MPP7: variants seen among roughly 807,000 people sequenced by gnomAD.
MPP7 encodes the protein MAGUK p55 scaffold protein 7.
Under a neutral mutation model 76.5 loss-of-function variants are expected in MPP7, and 60 were observed. The ratio of observed to expected loss-of-function variants is 0.78; its 90% CI spans 0.64 to 0.97. The LOEUF (loss-of-function observed/expected upper bound fraction) is 0.97, where lower values mean the gene tolerates loss of function less well. Among genes scored for constraint, MPP7 ranks in the 50% least tolerant of loss-of-function variants. MPP7 has a pLI of 0.00. For missense variants in MPP7, 641 were observed against 694.0 expected, an observed-to-expected ratio of 0.92 and a Z score of 0.86; for synonymous variants, 237 against 244.5, an observed-to-expected ratio of 0.97 and a Z score of 0.29.
At chr10:28,320,686 TG>T (rs765328298) in intron 2 of MPP7, among the ~76,000 whole-genome samples, 12 of 152,116 alleles carry the variant, frequency 7.9e-5, no homozygotes, top group Admixed American at 2.0e-4. Flanking sequence ...TTATTCAGGG[TG>T]GGCGGTCCAA....
chr10:28,224,543 T>C (rs932040337), intron 2 of MPP7, among the ~76,000 whole-genome samples: 1 of 152,226 alleles, frequency 6.6e-6, no homozygotes, highest in Non-Finnish European at 1.5e-5. Flanking sequence ...GCTAAAATTA[T>C]AACCTAATAT....
At position 28,125,395 on chromosome 10, in the gene MPP7, T is replaced by C. The variant is rs562787328; in HGVS notation, c.448-304A>G. 1.4e-4 allele frequency among the ~76,000 whole-genome samples: 21 copies of C among 152,252 alleles called. No individual in the cohort carries two copies. The South Asian group carries it at 3.7e-3, about 27-fold the overall frequency. The stretch of plus-strand genomic sequence containing the variant: ...ACCTTCTTTCCATTATAAAAATACC[T>C]TGTATTTCAATGCTGTTTGGTTTTT... On this transcript the variant is annotated intron_variant, in intron 6 of 16. Transcript: ENST00000683449.
At chr10:28,209,438 C>T (rs1203310332) in intron 2 of MPP7, among the ~76,000 whole-genome samples, 1 of 149,722 alleles carries the variant, frequency 6.7e-6, no homozygotes, top group Non-Finnish European at 1.5e-5. Flanking sequence ...CACTGCACTC[C>T]AGCCTGAGTG....
At chr10:28,307,135 C>T (rs1388425951), upstream of MPP7, among the ~76,000 whole-genome samples, 7 of 152,178 alleles carry the variant, frequency 4.6e-5, no homozygotes, top group Admixed American at 4.6e-4. Flanking sequence ...CATTGCACCC[C>T]TGACATTTTC....
At chr10:28,329,242 A>T (rs1834448541) in intron 2 of MPP7, among the ~76,000 whole-genome samples, 1 of 152,126 alleles carries the variant, frequency 6.6e-6, no homozygotes. Flanking sequence ...CAAGGATTTT[A>T]TGTTTCTGGT....
At chr10:28,272,900 A>C (rs1840370335) in intron 1 of MPP7, among the ~76,000 whole-genome samples, 1 of 148,196 alleles carries the variant, frequency 6.7e-6, no homozygotes. Flanking sequence ...AAACAACCCA[A>C]AATGGTTTGT....
chr10:28,141,562 A>C (rs1835518955), intron 5 of MPP7, among the ~76,000 whole-genome samples: 1 of 152,202 alleles, frequency 6.6e-6, no homozygotes, highest in Admixed American at 6.5e-5. Flanking sequence ...CTCAGTAAAT[A>C]GTATACCATG....
At chr10:28,143,581 C>CGTGTGCTCTGTGTGTGTG (rs765475349) in intron 5 of MPP7, among the ~76,000 whole-genome samples, 6 of 151,800 alleles carry the variant, frequency 4.0e-5, no homozygotes, top group South Asian at 2.1e-4. Context: ...GTATTCCTAT[C>CGTGTGCTCTGTGTGTGTG]TTTGTGGATC....
intron 3 of MPP7, among the ~76,000 whole-genome samples, chr10:28,150,719 GATC>G (rs1176314207): frequency 4.0e-4 from 61 of 151,970 alleles, no homozygotes; most frequent in Admixed American, 6.5e-4. Context: ...GCATAAATGA[GATC>G]ATTTTTCATA....
At chr10:28,167,085 C>A (rs892419320) in intron 3 of MPP7, among the ~76,000 whole-genome samples, 2 of 151,974 alleles carry the variant, frequency 1.3e-5, no homozygotes, top group African/African-American at 2.4e-5. Flanking sequence ...CCAAGGAGGG[C>A]GGATTACTTG....
At chr10:28,289,845 G>A (rs1840872402) in intron 1 of MPP7, among the ~76,000 whole-genome samples, 1 of 152,192 alleles carries the variant, frequency 6.6e-6, no homozygotes, top group South Asian at 2.1e-4. Context: ...TTGAGACAGA[G>A]TCTCATGCTG....
At chr10:28,294,509 G>C (rs747407001) in intron 1 of MPP7, among the ~76,000 whole-genome samples, 21 of 152,156 alleles carry the variant, frequency 1.4e-4, no homozygotes, top group Non-Finnish European at 2.2e-4. Context: ...TTTTTGAAGG[G>C]GAAGAGGGAG....
chr10:28,328,300 G>T (rs1266452443), intron 2 of MPP7, among the ~76,000 whole-genome samples: 1 of 152,038 alleles, frequency 6.6e-6, no homozygotes, highest in African/African-American at 2.4e-5. Context: ...TTTAAATTTT[G>T]AATCTCTTGA....
At chr10:28,191,792 T>C (rs1298618500) in intron 3 of MPP7, among the ~76,000 whole-genome samples, 1 of 152,122 alleles carries the variant, frequency 6.6e-6, no homozygotes, top group African/African-American at 2.4e-5. Flanking sequence ...ATCAATATGC[T>C]AAACAAGAAA....
intron 2 of MPP7, among the ~76,000 whole-genome samples, chr10:28,206,058 C>T (rs548292348): frequency 6.6e-6 from 1 of 152,222 alleles, no homozygotes; most frequent in South Asian, 2.1e-4. Flanking sequence ...TCCCAGCCTC[C>T]AGAACTGTGA....
chr10:28,091,639 G>T (rs1032814000), intron 11 of MPP7, among the ~76,000 whole-genome samples: 1 of 152,164 alleles, frequency 6.6e-6, no homozygotes, highest in Non-Finnish European at 1.5e-5. Context: ...TGAAAAAAAT[G>T]TAATAACTAA....
At chr10:28,188,417 T>A (rs1357959148) in intron 3 of MPP7, among the ~76,000 whole-genome samples, 1 of 152,148 alleles carries the variant, frequency 6.6e-6, no homozygotes, top group Non-Finnish European at 1.5e-5. Context: ...GGGTAGGCAA[T>A]TAAGAGGTTA....
intron 2 of MPP7, among the ~76,000 whole-genome samples, chr10:28,329,258 G>T (rs1407493643): frequency 6.6e-6 from 1 of 152,088 alleles, no homozygotes; most frequent in Admixed American, 6.6e-5. Context: ...CTGGTTTGTT[G>T]TTGTAACTGA....
At chr10:28,144,345 G>A (rs569543599) in intron 5 of MPP7, among the ~76,000 whole-genome samples, 51 of 152,052 alleles carry the variant, frequency 3.4e-4, no homozygotes, top group African/African-American at 9.2e-4. Context: ...ACGATTTCAG[G>A]TGTGGCCATA....
Sources: gnomAD v4.1 joint callset for allele counts (sites outside exome capture counted in the v4.1 genomes callset) on GRCh38, gnomAD v4.1.1 for gene constraint, MANE v1.5 for transcripts, NCBI Gene and HGNC (gene_info 2026-07-23, HGNC 2026-07-21) for gene names.